REEP1: variants seen among roughly 807,000 people sequenced by gnomAD.
The protein encoded by REEP1 is receptor accessory protein 1.
In REEP1, 22 loss-of-function variants were observed where a neutral mutation model predicts 40.3. The observed-to-expected ratio is 0.55, with a 90% confidence interval of 0.39 to 0.78. The LOEUF is 0.78. Among genes scored for constraint, REEP1 ranks in the 30% least tolerant of loss-of-function variants. The pLI, the probability that REEP1 is intolerant of heterozygous loss-of-function variation, is 0.00. For missense variants in REEP1, 280 were observed against 361.1 expected (o/e 0.78, Z 1.82); for synonymous variants, 116 against 139.2 (o/e 0.83, Z 1.17).
intron 5 of REEP1, among the ~76,000 whole-genome samples, chr2:86,238,545 T>C (rs1675486366): frequency 6.6e-6 from 1 of 152,248 alleles, no homozygotes; most frequent in South Asian, 2.1e-4. Flanking sequence ...TGACCATTTA[T>C]GGAGCTGCCG....
At chr2:86,220,173 C>CT (rs1318389391) in intron 7 of REEP1, 52 bp from the exon 8 acceptor site, 3 of 1,196,280 alleles carry the variant, frequency 2.5e-6, no homozygotes, top group Admixed American at 4.2e-5. Context: ...AGCAAGGAAG[C>CT]ATCAGTGCAG....
intron 2 of REEP1, among the ~76,000 whole-genome samples, chr2:86,276,740 A>G (rs1028510663): frequency 1.3e-5 from 2 of 152,174 alleles, no homozygotes; most frequent in African/African-American, 2.4e-5. Context: ...TCCTTAATCT[A>G]TGATTAAGCC....
chr2:86,225,038 T>A (rs189770569), intron 7 of REEP1, among the ~76,000 whole-genome samples: 55 of 152,322 alleles, frequency 3.6e-4, no homozygotes, highest in African/African-American at 1.2e-3. Flanking sequence ...TGCAATTGCC[T>A]GGAGCCACTG....
intron 2 of REEP1, among the ~76,000 whole-genome samples, chr2:86,274,812 T>C (rs1677655148): frequency 6.6e-6 from 1 of 152,116 alleles, no homozygotes; most frequent in Non-Finnish European, 1.5e-5. Flanking sequence ...GAGCAGGATC[T>C]AGGAGTGAAG....
chr2:86,271,960 C>T (rs950428864), intron 2 of REEP1, among the ~76,000 whole-genome samples: 7 of 152,178 alleles, frequency 4.6e-5, no homozygotes, highest in African/African-American at 9.7e-5. Context: ...TGGTGGGTCA[C>T]GCCTGTAACG....
intron 7 of REEP1, among the ~76,000 whole-genome samples, chr2:86,226,743 T>C (rs1394561676): frequency 6.6e-6 from 1 of 151,930 alleles, no homozygotes; most frequent in Non-Finnish European, 1.5e-5. Flanking sequence ...GTTCTGGGAT[T>C]ACAGGCATGA....
chr2:86,226,723 G>A (rs1048517147), intron 7 of REEP1, among the ~76,000 whole-genome samples: 8 of 150,296 alleles, frequency 5.3e-5, no homozygotes, highest in African/African-American at 2.0e-4. Flanking sequence ...TCCCACTTCT[G>A]CCTCCCAAAG....
chr2:86,282,215 C>T lies in REEP1; in HGVS notation c.60G>A (p.Ala20=), dbSNP rs186480337. Residue 20 remains alanine (A), a synonymous_variant, in exon 2 of 9, where the codon GCG becomes GCA. Transcript: ENST00000538924. ...VVLIFGTLYP[A]YYSYKAVKSK... Reference sequence around the variant, plus strand: ...ATTTCACAGCCTTGTAGGAATAATACGCAGGGTAAAGGGTGCCAAATATAA... The same window carrying T: ...ATTTCACAGCCTTGTAGGAATAATATGCAGGGTAAAGGGTGCCAAATATAA... The T allele has an allele frequency of 1.2e-4, 196 of 1,609,700 alleles. 1 individual carries two copies. In the East Asian group the frequency reaches 3.3e-3, roughly 27 times the overall value.
intron 1 of REEP1, among the ~76,000 whole-genome samples, chr2:86,305,649 TC>T (rs1274780153): frequency 2.4e-4 from 37 of 151,948 alleles, no homozygotes; most frequent in Non-Finnish European, 5.3e-4. Flanking sequence ...GTGCCCCTGG[TC>T]CCCCACTGAA....
intron 1 of REEP1, among the ~76,000 whole-genome samples, chr2:86,287,548 TTA>T (rs1490742894): frequency 1.3e-5 from 2 of 152,252 alleles, no homozygotes; most frequent in African/African-American, 4.8e-5. Context: ...TAATTTTGAA[TTA>T]TGTTTTCTGA....
chr2:86,270,091 G>A (rs908683823), intron 2 of REEP1, among the ~76,000 whole-genome samples: 2 of 152,162 alleles, frequency 1.3e-5, no homozygotes, highest in African/African-American at 4.8e-5. Flanking sequence ...CTTTTATTAT[G>A]AAAACTAAAC....
intron 1 of REEP1, among the ~76,000 whole-genome samples, chr2:86,296,584 T>C (rs1239497325): frequency 1.3e-5 from 2 of 152,238 alleles, no homozygotes; most frequent in Non-Finnish European, 2.9e-5. Flanking sequence ...AGGCCGGGCA[T>C]AGTGGCTCAT....
intron 1 of REEP1, among the ~76,000 whole-genome samples, chr2:86,295,709 T>G (rs1350824496): frequency 6.6e-6 from 1 of 151,940 alleles, no homozygotes; most frequent in Non-Finnish European, 1.5e-5. Flanking sequence ...CCAGCTAATT[T>G]TTTGTGTTTT....
At chr2:86,270,683 CA>C (rs1344419263) in intron 2 of REEP1, among the ~76,000 whole-genome samples, 1 of 151,992 alleles carries the variant, frequency 6.6e-6, no homozygotes, top group Non-Finnish European at 1.5e-5. Flanking sequence ...ATATTGGATA[CA>C]ACAAAAGAAA....
At chr2:86,259,160 C>T (rs149231780) in intron 3 of REEP1, among the ~76,000 whole-genome samples, 59 of 151,438 alleles carry the variant, frequency 3.9e-4, no homozygotes, top group African/African-American at 1.4e-3. Context: ...CATGGTGGCA[C>T]GTGCCTGTAG....
At position 86,215,212 on chromosome 2, in the gene REEP1, A is replaced by G. The variant is rs1367204136; in HGVS notation, c.*1827T>C. On this transcript the variant is annotated 3_prime_UTR_variant, in exon 9 of 9. Coordinates refer to ENST00000538924, the MANE Select transcript of REEP1 (RefSeq NM_001371279.1). ...GGGTGTGGGGCACAGAACATGAGCA[A>G]ACAGCTTCTGTTTATCCTCTCAGCC... is the stretch of plus-strand genomic sequence containing the variant. 6.6e-6 allele frequency: 1 copy of G among 152,140 alleles called. No homozygotes were observed. Among genetic ancestry groups the G allele is most frequent in the African/African-American group, 2.4e-5 (1 of 41,424 alleles). The allele number at this position is 152,140 out of a possible 1,614,324, so 9.4% of individuals were successfully genotyped here.
At position 86,216,148 on chromosome 2, in the gene REEP1, C is replaced by T. The variant is rs1337369725; in HGVS notation, c.*891G>A. 5 of 152,222 alleles carry T rather than the reference C, an allele frequency of 3.3e-5. No individual in the cohort carries two copies. Among genetic ancestry groups the T allele is most frequent in the Non-Finnish European group, 1.5e-5 (1 of 68,042 alleles). 9.4% of individuals were successfully genotyped at this position (152,222 alleles called of 1,614,324 possible). A position where few individuals can be genotyped will look rare whatever the true frequency, so the allele number is the denominator to read the frequency against. On this transcript the variant is annotated 3_prime_UTR_variant, in exon 9 of 9. Coordinates refer to ENST00000538924, the MANE Select transcript of REEP1 (RefSeq NM_001371279.1). ...AGGAGAAATCGTCCTTTGTCAAGCA[C>T]AGAATTACTCCTTCCAGCAGCTCTA...
At position 86,232,752 on chromosome 2, in the gene REEP1, G is replaced by A. The variant is rs749960927; in HGVS notation, c.468C>T (p.Leu156=). ...GGGCGCCGTCTCCCCTGATGGTGGT[G>A]AGGTCCTGCATGCTGAAGCTCCGCA... ...ERLRSFSMQD[L]TTIRGDGAPA... Residue 156 remains leucine, a synonymous_variant, in exon 6 of 9, where the codon CTC becomes CTT. Transcript: ENST00000538924. 16 of 1,606,660 alleles carry A rather than the reference G, an allele frequency of 1.0e-5. No homozygotes were observed. The highest frequency in any genetic ancestry group is 1.4e-5 in the Non-Finnish European group (16 of 1,179,978).
At position 86,263,948 on chromosome 2, in the gene REEP1, A is replaced by G. The variant is rs901428886; in HGVS notation, c.182+17T>C. ...CAAAATTGTCCTTAGAAACATCCCA[A>G]CTCCTGGAGTACTTACCAACAAAGG... On this transcript the variant is annotated intron_variant, in intron 3 of 8. Coordinates refer to ENST00000538924, the MANE Select transcript of REEP1 (RefSeq NM_001371279.1). The G allele has an allele frequency of 1.1e-5, 18 of 1,598,752 alleles. No individual in the cohort carries two copies. In the African/African-American group the frequency reaches 1.6e-4, roughly 14 times the overall value.
Sources: allele counts gnomAD v4.1 joint callset (sites outside exome capture counted in the v4.1 genomes callset), GRCh38; gene constraint gnomAD v4.1.1; transcripts MANE v1.5; gene names NCBI Gene and HGNC (gene_info 2026-07-23, HGNC 2026-07-21).